The following TIAM1 variants were observed in gnomAD, a reference collection of about 807,000 sequenced individuals.
The protein encoded by TIAM1 is TIAM Rac1 associated GEF 1.
TIAM1 carries 65 observed loss-of-function variants against 163.5 expected under a neutral mutation model. The observed-to-expected ratio is 0.40, with a 90% CI of 0.33 to 0.49. The LOEUF is 0.49. Ranked by LOEUF, TIAM1 falls within the 20% of genes least tolerant of loss-of-function variation. The pLI, the probability that TIAM1 is intolerant of heterozygous loss-of-function variation, is 0.77. For synonymous variants in TIAM1, 833 were observed against 810.1 expected (o/e 1.03, Z -0.48); for missense variants, 1,789 against 2,044.7 (o/e 0.87, Z 2.41).
At chr21:31,319,711 C>T (rs1235064238) in intron 2 of TIAM1, among the ~76,000 whole-genome samples, 1 of 142,670 alleles carries the variant, frequency 7.0e-6, no homozygotes, top group East Asian at 2.1e-4. Context: ...ACCCGGGAGG[C>T]GGAGCTTGCA....
intron 1 of TIAM1, among the ~76,000 whole-genome samples, chr21:31,488,519 T>C (rs1330460788): frequency 6.6e-6 from 1 of 152,220 alleles, no homozygotes; most frequent in Non-Finnish European, 1.5e-5. Flanking sequence ...TGAGACTGGG[T>C]AATTTATAAA....
chr21:31,188,737 C>T (rs2085413675), intron 13 of TIAM1, among the ~76,000 whole-genome samples: 1 of 152,040 alleles, frequency 6.6e-6, no homozygotes, highest in Non-Finnish European at 1.5e-5. Flanking sequence ...CCATGCTTGA[C>T]TGATTTTTTA....
chr21:31,435,773 T>G (rs1279610901), intron 2 of TIAM1, among the ~76,000 whole-genome samples: 4 of 152,096 alleles, frequency 2.6e-5, no homozygotes, highest in Non-Finnish European at 5.9e-5. Context: ...GGTAACTAGG[T>G]CAAGAGGGTT....
chr21:31,252,648 T>C (rs1038441652), intron 4 of TIAM1, among the ~76,000 whole-genome samples: 1 of 152,154 alleles, frequency 6.6e-6, no homozygotes, highest in Non-Finnish European at 1.5e-5. Context: ...TAGGTCTTTA[T>C]AGCTGATATC....
intron 4 of TIAM1, among the ~76,000 whole-genome samples, chr21:31,257,955 A>C (rs2072216053): frequency 4.1e-5 from 5 of 121,604 alleles, no homozygotes; most frequent in Admixed American, 9.1e-5. Context: ...TGTGCTGGGC[A>C]CCCTCCCACA....
intron 9 of TIAM1, among the ~76,000 whole-genome samples, chr21:31,216,255 T>G (rs16987969): frequency 0.013 from 1,976 of 152,262 alleles, 48 homozygotes; most frequent in African/African-American, 0.044. Context: ...ACTAATCTCT[T>G]TTCTAAAATT....
chr21:31,218,226 G>C (rs983279021), intron 8 of TIAM1, among the ~76,000 whole-genome samples: 2 of 152,172 alleles, frequency 1.3e-5, no homozygotes, highest in Non-Finnish European at 2.9e-5. Context: ...TCAGACGAGT[G>C]ATCATTGGCC....
At chr21:31,486,963 C>T (rs180828308) in intron 1 of TIAM1, among the ~76,000 whole-genome samples, 1 of 152,290 alleles carries the variant, frequency 6.6e-6, no homozygotes, top group African/African-American at 2.4e-5. Context: ...CTAGCTAAGA[C>T]TTGGTGACAC....
intron 1 of TIAM1, among the ~76,000 whole-genome samples, chr21:31,464,570 C>T (rs192206073): frequency 6.6e-6 from 1 of 152,060 alleles, no homozygotes; most frequent in East Asian, 1.9e-4. Context: ...AGGCCGGGTG[C>T]GGTGGCTCAC....
At chr21:31,251,514 C>T (rs887277050) in intron 5 of TIAM1, among the ~76,000 whole-genome samples, 3 of 152,150 alleles carry the variant, frequency 2.0e-5, no homozygotes, top group African/African-American at 7.2e-5. Flanking sequence ...AGAAATCTGC[C>T]TTACAACATT....
chr21:31,377,733 A>G (rs987538213), intron 2 of TIAM1, among the ~76,000 whole-genome samples: 2 of 152,008 alleles, frequency 1.3e-5, no homozygotes, highest in Non-Finnish European at 2.9e-5. Flanking sequence ...TGTACTGAAG[A>G]TCCCGCAGGG....
chr21:31,487,154 A>G (rs1463339663), intron 1 of TIAM1, among the ~76,000 whole-genome samples: 1 of 152,086 alleles, frequency 6.6e-6, no homozygotes, highest in Non-Finnish European at 1.5e-5. Context: ...GGGGTTTAAA[A>G]CTCAAGGAGC....
intron 2 of TIAM1, among the ~76,000 whole-genome samples, chr21:31,410,537 A>G (rs1294827761): frequency 7.3e-6 from 1 of 136,244 alleles, no homozygotes; most frequent in Non-Finnish European, 1.6e-5. Flanking sequence ...GACTGAGTTT[A>G]TGTATAAGTG....
At chr21:31,513,748 C>T (rs1006257231) in intron 1 of TIAM1, among the ~76,000 whole-genome samples, 64 of 152,328 alleles carry the variant, frequency 4.2e-4, no homozygotes, top group Non-Finnish European at 7.9e-4. Flanking sequence ...TGACTCATGC[C>T]TGTAATTCCA....
At position 31,375,732 on chromosome 21, in the gene TIAM1, T is replaced by C. The variant is rs980687242; in HGVS notation, c.-368-36310A>G. ...TTTTACTATATGCAAACCTGTTTAT[T>C]AAGAGTAGAAAAAAGGCCAGGTGTG... On this transcript the variant is annotated intron_variant, in intron 2 of 28. Transcript: ENST00000286827. Among the ~76,000 whole-genome samples, 38 of 152,212 alleles carry C rather than the reference T, an allele frequency of 2.5e-4. 1 individual carries two copies. Among genetic ancestry groups the C allele is most frequent in the Non-Finnish European group, 3.7e-4 (25 of 68,016 alleles).
chr21:31,124,305 A>G (rs2146206999), intron 27 of TIAM1: 1 of 480,090 alleles, frequency 2.1e-6, no homozygotes, highest in Non-Finnish European at 3.4e-6. Flanking sequence ...GGAAGGCTTG[A>G]GGGAGGACAA....
At chr21:31,434,774 G>A (rs1012957645) in intron 2 of TIAM1, among the ~76,000 whole-genome samples, 1 of 152,190 alleles carries the variant, frequency 6.6e-6, no homozygotes, top group African/African-American at 2.4e-5. Flanking sequence ...TGACCCTCCA[G>A]AGTGAAGCAC....
chr21:31,440,806 G>A (rs1485188482), intron 2 of TIAM1, among the ~76,000 whole-genome samples: 2 of 152,182 alleles, frequency 1.3e-5, no homozygotes, highest in Non-Finnish European at 2.9e-5. Context: ...ACTTGAACCA[G>A]GGAGGCAGAG....
intron 4 of TIAM1, among the ~76,000 whole-genome samples, chr21:31,259,308 T>C (rs920474010): frequency 5.9e-5 from 9 of 152,038 alleles, no homozygotes; most frequent in Non-Finnish European, 1.0e-4. Context: ...GCTAATTTTT[T>C]TGAAATTTGG....
Sources: gnomAD v4.1 joint callset for allele counts (sites outside exome capture counted in the v4.1 genomes callset) on GRCh38, gnomAD v4.1.1 for gene constraint, MANE v1.5 for transcripts, NCBI Gene and HGNC (gene_info 2026-07-23, HGNC 2026-07-21) for gene names.